The following PCDHGC3 variants were observed in gnomAD, a reference collection of about 807,000 sequenced individuals.
PCDHGC3 encodes the protein protocadherin gamma subfamily C, 3.
In PCDHGC3, 26 loss-of-function variants were observed where a neutral mutation model predicts 59.2. The observed-to-expected ratio is 0.44, with a 90% CI of 0.32 to 0.61. The LOEUF (loss-of-function observed/expected upper bound fraction) is 0.61. Ranked by LOEUF, PCDHGC3 falls within the 20% of genes least tolerant of loss-of-function variation. The pLI, the probability that PCDHGC3 is intolerant of heterozygous loss-of-function variation, is 0.05. For missense variants in PCDHGC3, 1,080 were observed against 1,221.8 expected, an observed-to-expected ratio of 0.88 and a Z score of 1.73; for synonymous variants, 487 against 519.7, an observed-to-expected ratio of 0.94 and a Z score of 0.86.
Position 141,489,361 on chromosome 5 carries a change from C to A in PCDHGC3, c.2431-5446C>A. ...TTACTCAGTGGTGGAGGAGTCTGAG[C>A]CGGGGACGCTGGTGGGGAATGTTGC... On this transcript the variant is annotated intron_variant, in intron 1 of 3. Transcript: ENST00000308177. This position sits in a 1 kb window ranked among gnomAD's most constrained non-coding sequence, Gnocchi z 4.5. 1 of 1,612,880 alleles carries A rather than the reference C, an allele frequency of 6.2e-7. No individual in the cohort carries two copies. The highest frequency in any genetic ancestry group is 8.5e-7 in the Non-Finnish European group (1 of 1,179,164).
In PCDHGC3 at chr5:141,491,696, G is replaced by A; in HGVS notation, c.2431-3111G>A. The A allele has an allele frequency of 6.2e-7, 1 of 1,612,390 alleles. No individual in the cohort carries two copies. The highest frequency in any genetic ancestry group is 8.5e-7 in the Non-Finnish European group (1 of 1,179,286). ...CGCTCTAATACGCTGCGGGAGCGGA[G>A]CCAGGTGAGGGGCTCGGCGCCGCCC... On this transcript the variant is annotated intron_variant, in intron 1 of 3. Coordinates refer to ENST00000308177, the MANE Select transcript of PCDHGC3 (RefSeq NM_002588.4). This position sits in a 1 kb window ranked among gnomAD's most constrained non-coding sequence, Gnocchi z 6.9.
In PCDHGC3 at chr5:141,478,117, C is replaced by T. The variant is rs1419172538; in HGVS notation, c.2001C>T (p.Thr667=). Residue 667 remains threonine, a synonymous_variant, in exon 1 of 4, where the codon ACC becomes ACT. Coordinates refer to ENST00000308177, the MANE Select transcript of PCDHGC3 (RefSeq NM_002588.4). ...CTGCTACCCTCACTGTGTCAGTAAC[C>T]GAGGACTCTCCTGAAGCCCGAGCCG... is the stretch of plus-strand genomic sequence containing the variant. ...STTATLTVSV[T]EDSPEARAEF... 2 of 1,614,058 alleles carry T rather than the reference C, an allele frequency of 1.2e-6. No homozygotes were observed. Among genetic ancestry groups the T allele is most frequent in the East Asian group, 4.5e-5 (2 of 44,870 alleles).
At chr5:141,506,863 G>A (rs1162975959) in intron 3 of PCDHGC3, among the ~76,000 whole-genome samples, 1 of 152,120 alleles carries the variant, frequency 6.6e-6, no homozygotes, top group Non-Finnish European at 1.5e-5. Context: ...GAGGACTGGT[G>A]GGTAGAGAAC....
chr5:141,478,736 T>C (rs2099474016), intron 1 of PCDHGC3, 190 bp downstream of exon 1: 1 of 1,534,678 alleles, frequency 6.5e-7, no homozygotes, highest in African/African-American at 1.4e-5. Flanking sequence ...GTGTGGTTTG[T>C]GGTCCCATTT....
chr5:141,506,444 CAAAAA>C (rs1219684339), intron 3 of PCDHGC3, among the ~76,000 whole-genome samples: 4 of 95,024 alleles, frequency 4.2e-5, no homozygotes, highest in Admixed American at 1.1e-4. Flanking sequence ...CGCTCTGTCT[CAAAAA>C]AAAAAAAAAA....
At chr5:141,481,982 G>A (rs1378873905) in intron 1 of PCDHGC3, among the ~76,000 whole-genome samples, 2 of 151,628 alleles carry the variant, frequency 1.3e-5, no homozygotes, top group African/African-American at 2.4e-5. Context: ...CTACTTGGGA[G>A]GTTGAAGCAG....
At position 141,489,207 on chromosome 5, in the gene PCDHGC3, A is replaced by T; in HGVS notation, c.2431-5600A>T. The T allele has an allele frequency of 6.9e-7, 1 of 1,452,692 alleles. No homozygotes were observed. The highest frequency in any genetic ancestry group is 9.3e-7 in the Non-Finnish European group (1 of 1,073,586). 90.0% of individuals were successfully genotyped at this position (1,452,692 alleles called of 1,614,324 possible). ...GGGTCTACCTTGGAGACAGGACAGC[A>T]CAGACTTACTCTCCACAAAGGGACT... On this transcript the variant is annotated intron_variant, in intron 1 of 3. Transcript: ENST00000308177. The surrounding 1 kb of genome is among the most constrained non-coding windows in gnomAD (Gnocchi z 4.5).
chr5:141,483,013 A>C (rs2154579792), intron 1 of PCDHGC3, among the ~76,000 whole-genome samples: 1 of 152,106 alleles, frequency 6.6e-6, no homozygotes, highest in Middle Eastern at 3.4e-3. Flanking sequence ...TGAACCCGGG[A>C]GGCAGAGGTT....
chr5:141,504,078 C>T (rs1333392062), intron 2 of PCDHGC3, among the ~76,000 whole-genome samples: 1 of 152,078 alleles, frequency 6.6e-6, no homozygotes, highest in Non-Finnish European at 1.5e-5. Flanking sequence ...CCAGATGGTG[C>T]CAAACAGTTA....
Position 141,489,276 on chromosome 5 carries a change from A to G in PCDHGC3, c.2431-5531A>G. 6.4e-7 allele frequency: 1 copy of G among 1,556,122 alleles called. No homozygotes were observed. Among genetic ancestry groups the G allele is most frequent in the Non-Finnish European group, 8.7e-7 (1 of 1,151,562 alleles). On this transcript the variant is annotated intron_variant, in intron 1 of 3. Coordinates refer to ENST00000308177, the MANE Select transcript of PCDHGC3 (RefSeq NM_002588.4). The surrounding 1 kb of genome is among the most constrained non-coding windows in gnomAD (Gnocchi z 4.5). ...AGACACTCCCACAGCTCGCTGGGAA[A>G]TGGCAAGTGCTGTGCATGTTGTCCT...
At position 141,491,679 on chromosome 5, in the gene PCDHGC3, T is replaced by C. The variant is rs111288145; in HGVS notation, c.2431-3128T>C. On this transcript the variant is annotated intron_variant, in intron 1 of 3. Coordinates refer to ENST00000308177, the MANE Select transcript of PCDHGC3 (RefSeq NM_002588.4). This position sits in a 1 kb window ranked among gnomAD's most constrained non-coding sequence, Gnocchi z 6.9. ...CTGACGCCATCCGGTCCCGCTCTAA[T>C]ACGCTGCGGGAGCGGAGCCAGGTGA... is the stretch of plus-strand genomic sequence containing the variant. 21 of 1,613,378 alleles carry C rather than the reference T, an allele frequency of 1.3e-5. No homozygotes were observed. Among genetic ancestry groups the C allele is most frequent in the Middle Eastern group, 1.6e-4 (1 of 6,078 alleles).
At chr5:141,507,537 C>CA (rs140454890) in intron 3 of PCDHGC3, among the ~76,000 whole-genome samples, 3,617 of 152,286 alleles carry the variant, frequency 0.024, 53 homozygotes, top group East Asian at 0.043. Context: ...AGGCCAGAGA[C>CA]TGAGTATGAA....
chr5:141,494,323 A>T (rs1188768690), intron 1 of PCDHGC3, among the ~76,000 whole-genome samples: 1 of 152,210 alleles, frequency 6.6e-6, no homozygotes, highest in Non-Finnish European at 1.5e-5. Flanking sequence ...CCTGGCACCA[A>T]AAGGGTTACC....
rs1353509218 is a variant in PCDHGC3, at chr5:141,512,908, TTTATACTC to T, written c.*1737_*1744del. ...CCCTCTTCCTGTGTCTCACGCAAGTTTTATACTCTAATATTTATATGGCTTTTTTTCTT... is the reference window on the plus strand; with the variant it reads ...CCCTCTTCCTGTGTCTCACGCAAGTTTAATATTTATATGGCTTTTTTTCTT... On this transcript the variant is annotated 3_prime_UTR_variant, in exon 4 of 4. Transcript: ENST00000308177. 6.6e-6 allele frequency: 1 copy of T among 152,268 alleles called. No individual in the cohort carries two copies. Among genetic ancestry groups the T allele is most frequent in the Non-Finnish European group, 1.5e-5 (1 of 68,054 alleles). 9.4% of individuals were successfully genotyped at this position (152,268 alleles called of 1,614,324 possible).
chr5:141,481,880 C>CTCCA (rs1483509373), intron 1 of PCDHGC3, among the ~76,000 whole-genome samples: 1 of 145,300 alleles, frequency 6.9e-6, no homozygotes, highest in Non-Finnish European at 1.5e-5. Context: ...CGCCACTGCA[C>CTCCA]TCCAGCCTGG....
chr5:141,485,070 G>A lies in PCDHGC3; in HGVS notation c.2430+6524G>A. On this transcript the variant is annotated intron_variant, in intron 1 of 3. Coordinates refer to ENST00000308177, the MANE Select transcript of PCDHGC3 (RefSeq NM_002588.4). The surrounding 1 kb of genome is among the most constrained non-coding windows in gnomAD (Gnocchi z 5.7). ...CGCCGGCCGAACCGCGCCAGAGCTG[G>A]CGCGGGGAAAGGGAGATAGGTGTCT... is the stretch of plus-strand genomic sequence containing the variant. The A allele has an allele frequency of 1.1e-6, 1 of 908,406 alleles. No individual in the cohort carries two copies. Among genetic ancestry groups the A allele is most frequent in the Non-Finnish European group, 1.7e-6 (1 of 580,008 alleles). 56.3% of individuals were successfully genotyped at this position (908,406 alleles called of 1,614,324 possible). A position where few individuals can be genotyped will look rare whatever the true frequency, so the allele number is the denominator to read the frequency against.
intron 1 of PCDHGC3, among the ~76,000 whole-genome samples, chr5:141,481,148 C>G (rs2099532606): frequency 6.6e-6 from 1 of 152,176 alleles, no homozygotes; most frequent in Non-Finnish European, 1.5e-5. Context: ...AAGTGTTATT[C>G]TGGTATTTGC....
chr5:141,486,617 C>A lies in PCDHGC3; in HGVS notation c.2430+8071C>A. On this transcript the variant is annotated intron_variant, in intron 1 of 3. Coordinates refer to ENST00000308177, the MANE Select transcript of PCDHGC3 (RefSeq NM_002588.4). The surrounding 1 kb of genome is among the most constrained non-coding windows in gnomAD (Gnocchi z 5.0). The stretch of plus-strand genomic sequence containing the variant: ...GCTTTGCTCCCTTGCAGCCTCTGAC[C>A]CAGACTCTGGCTTGAATGCGCTTAT... The A allele has an allele frequency of 1.2e-6, 2 of 1,613,602 alleles. No homozygotes were observed. The highest frequency in any genetic ancestry group is 2.2e-5 in the East Asian group (1 of 44,874).
At chr5:141,488,438 C>T (rs2099675393) in intron 1 of PCDHGC3, among the ~76,000 whole-genome samples, 1 of 152,146 alleles carries the variant, frequency 6.6e-6, no homozygotes, top group African/African-American at 2.4e-5. Flanking sequence ...CTCTGACCAC[C>T]CTCCTGGGTG....
Sources: gnomAD v4.1 joint callset for allele counts (sites outside exome capture counted in the v4.1 genomes callset) on GRCh38, gnomAD v4.1.1 for gene constraint, Gnocchi (gnomAD v3.1) non-coding constraint, MANE v1.5 for transcripts, NCBI Gene and HGNC (gene_info 2026-07-23, HGNC 2026-07-21) for gene names.